Variants in TAFA5 observed in about 807,000 individuals in gnomAD.
TAFA5 encodes TAFA chemokine like family member 5, also known as chemokine-like protein TAFA-5.
Under a neutral mutation model 15.3 loss-of-function variants are expected in TAFA5, and 6 were observed. The ratio of observed to expected loss-of-function variants is 0.39; its 90% CI spans 0.21 to 0.77. The LOEUF is 0.77. Ranked by LOEUF, TAFA5 falls within the 30% of genes least tolerant of loss-of-function variation. The pLI is 0.41. For missense variants in TAFA5, 161 were observed against 193.1 expected (o/e 0.83, Z 0.98); for synonymous variants, 103 against 80.7 (o/e 1.28, Z -1.48).
intron 1 of TAFA5, among the ~76,000 whole-genome samples, chr22:48,522,513 G>A (rs540320042): frequency 8.5e-5 from 13 of 152,196 alleles, no homozygotes; most frequent in African/African-American, 2.6e-4. Flanking sequence ...CTCTACACTC[G>A]CGTCCTCCGC....
At chr22:48,731,222 A>G (rs1017662241) in intron 3 of TAFA5, among the ~76,000 whole-genome samples, 1 of 152,202 alleles carries the variant, frequency 6.6e-6, no homozygotes, top group Non-Finnish European at 1.5e-5. Context: ...GAGGCTGCAG[A>G]AGAAAAGTTG....
intron 1 of TAFA5, among the ~76,000 whole-genome samples, chr22:48,646,379 A>G (rs1196942567): frequency 6.6e-6 from 1 of 152,208 alleles, no homozygotes; most frequent in Non-Finnish European, 1.5e-5. Flanking sequence ...GGCTGCACAC[A>G]GGGTGGAGTT....
chr22:48,721,030 C>T (rs1929553554), intron 3 of TAFA5, among the ~76,000 whole-genome samples: 4 of 152,206 alleles, frequency 2.6e-5, no homozygotes, highest in Admixed American at 2.6e-4. Flanking sequence ...GCGCTAAGGC[C>T]ACTGTCCCCT....
chr22:48,686,306 C>T (rs1928351723), intron 2 of TAFA5, among the ~76,000 whole-genome samples: 1 of 152,194 alleles, frequency 6.6e-6, no homozygotes, highest in Non-Finnish European at 1.5e-5. Flanking sequence ...GCTCTGGAGG[C>T]TGGAAATCTA....
chr22:48,610,236 A>C (rs1402866699), intron 1 of TAFA5, among the ~76,000 whole-genome samples: 2 of 151,696 alleles, frequency 1.3e-5, no homozygotes, highest in African/African-American at 4.9e-5. Context: ...TCCTGAGGGT[A>C]CTGGAGGACA....
At chr22:48,568,128 C>T (rs535137993) in intron 1 of TAFA5, among the ~76,000 whole-genome samples, 2 of 152,260 alleles carry the variant, frequency 1.3e-5, no homozygotes, top group Non-Finnish European at 2.9e-5. Context: ...AGTCTGTCTT[C>T]GCCCGTGTGA....
chr22:48,713,348 A>T (rs898576120), intron 3 of TAFA5, among the ~76,000 whole-genome samples: 1 of 152,170 alleles, frequency 6.6e-6, no homozygotes. Flanking sequence ...GCATCCCAGG[A>T]GTGTGGTGTA....
chr22:48,641,762 G>C (rs1466056123), intron 1 of TAFA5, among the ~76,000 whole-genome samples: 2 of 152,222 alleles, frequency 1.3e-5, no homozygotes, highest in African/African-American at 4.8e-5. Context: ...GGGGGGACCT[G>C]CAAGGTCCCA....
At chr22:48,584,303 G>C in intron 1 of TAFA5, among the ~76,000 whole-genome samples, 1 of 118,980 alleles carries the variant, frequency 8.4e-6, no homozygotes, top group East Asian at 2.8e-4. Flanking sequence ...GCAGACAGCA[G>C]ACCACACACA....
rs73433832 is a variant in TAFA5, at chr22:48,665,037, T to G, written c.262+18291T>G. 3.8e-3 allele frequency among the ~76,000 whole-genome samples: 572 copies of G among 152,238 alleles called. 4 individuals are homozygous for G. The highest frequency in any genetic ancestry group is 0.013 in the African/African-American group (552 of 41,546). ...AGCGATTGTATCATGTCACGTGCCA[T>G]CAGCAGTCCATGAATGTTCTGTGTG... On this transcript the variant is annotated intron_variant, in intron 2 of 3. Transcript: ENST00000402357.
chr22:48,718,098 G>C (rs539610413), intron 3 of TAFA5, among the ~76,000 whole-genome samples: 1 of 152,188 alleles, frequency 6.6e-6, no homozygotes, highest in Non-Finnish European at 1.5e-5. Context: ...AGCAGGCCAC[G>C]GGCTGAGCAG....
At chr22:48,525,578 C>T (rs779516611) in intron 1 of TAFA5, among the ~76,000 whole-genome samples, 2 of 152,224 alleles carry the variant, frequency 1.3e-5, no homozygotes, top group Non-Finnish European at 2.9e-5. Flanking sequence ...TCTGCCTCAG[C>T]GGTCCCCAGG....
At chr22:48,705,252 G>A (rs1929043476) in intron 2 of TAFA5, among the ~76,000 whole-genome samples, 2 of 152,086 alleles carry the variant, frequency 1.3e-5, no homozygotes, top group African/African-American at 2.4e-5. Context: ...GGGGTGGGGT[G>A]GGGCAGGACT....
intron 1 of TAFA5, among the ~76,000 whole-genome samples, chr22:48,534,192 T>TG (rs5845853): frequency 0.22 from 32,469 of 147,306 alleles, 3,480 homozygotes; most frequent in Non-Finnish European, 0.24. Flanking sequence ...GTCAAGCAGG[T>TG]GGGGAGGCAG....
At position 48,490,509 on chromosome 22, in the gene TAFA5, G is replaced by T. The variant is rs1928111770; in HGVS notation, c.112+805G>T. On this transcript the variant is annotated intron_variant, in intron 1 of 3. Transcript: ENST00000402357. This position sits in a 1 kb window ranked among gnomAD's most constrained non-coding sequence, Gnocchi z 5.8. ...AGGCTCCAGGCGGGTGGAATGAGGG[G>T]TGGTTGGAGTCCCGGGTGCAGACTC... 6.6e-6 allele frequency among the ~76,000 whole-genome samples: 1 copy of T among 151,984 alleles called. No homozygotes were observed. Among genetic ancestry groups the T allele is most frequent in the South Asian group, 2.1e-4 (1 of 4,822 alleles).
At chr22:48,605,290 AATGGTGGTGATGGTGATG>A (rs1925134290) in intron 1 of TAFA5, among the ~76,000 whole-genome samples, 1 of 10,886 alleles carries the variant, frequency 9.2e-5, no homozygotes, top group Non-Finnish European at 1.9e-4. Context: ...TGATGTTGTT[AATGGTGGTGATGGTGATG>A]ATGGTGGTGA....
chr22:48,517,230 C>T (rs1921443026), intron 1 of TAFA5, among the ~76,000 whole-genome samples: 1 of 152,200 alleles, frequency 6.6e-6, no homozygotes, highest in African/African-American at 2.4e-5. Context: ...CTCTCCTGCC[C>T]CCAGCAGGGA....
chr22:48,578,098 G>A (rs1029868856), intron 1 of TAFA5, among the ~76,000 whole-genome samples: 4 of 152,342 alleles, frequency 2.6e-5, no homozygotes, highest in South Asian at 4.1e-4. Context: ...GTTTGTGTTC[G>A]CGCTGCAAGT....
intron 1 of TAFA5, among the ~76,000 whole-genome samples, chr22:48,630,926 C>T (rs566639753): frequency 5.3e-5 from 8 of 152,310 alleles, no homozygotes; most frequent in Admixed American, 1.3e-4. Flanking sequence ...GGGAGCCCGG[C>T]GTGCGTGCTG....
Sources: allele counts gnomAD v4.1 joint callset (sites outside exome capture counted in the v4.1 genomes callset), GRCh38; gene constraint gnomAD v4.1.1; non-coding constraint Gnocchi (gnomAD v3.1); transcripts MANE v1.5; gene names NCBI Gene and HGNC (gene_info 2026-07-23, HGNC 2026-07-21).